TRIM33: variants seen among roughly 807,000 people sequenced by gnomAD.
TRIM33 encodes the protein E3 ubiquitin-protein ligase TRIM33.
Under a neutral mutation model 125.4 loss-of-function variants are expected in TRIM33, and 20 were observed. That is an observed-to-expected ratio of 0.16 (90% CI 0.11 to 0.23). TRIM33 has a LOEUF of 0.23. Among genes scored for constraint, TRIM33 ranks in the 10% least tolerant of loss-of-function variants. The pLI is 1.00. For missense variants in TRIM33, 920 were observed against 1,411.4 expected (o/e 0.65, Z 5.58); for synonymous variants, 564 against 513.9 (o/e 1.10, Z -1.32).
chr1:114,405,352 TGTTA>T (rs769047046), intron 15 of TRIM33, 54 bp downstream of exon 15: 8 of 1,341,618 alleles, frequency 6.0e-6, no homozygotes, highest in Non-Finnish European at 8.3e-6. Context: ...AACATTCTTC[TGTTA>T]TTTATTTTTA....
chr1:114,498,179 G>C (rs1390221045), intron 1 of TRIM33, among the ~76,000 whole-genome samples: 1 of 149,438 alleles, frequency 6.7e-6, no homozygotes, highest in African/African-American at 2.5e-5. Flanking sequence ...TATAAATAAG[G>C]AATCAGTATA....
chr1:114,405,783 C>A (rs1321834623), intron 14 of TRIM33, 24 bp from the exon 15 acceptor site: 6 of 1,563,092 alleles, frequency 3.8e-6, no homozygotes, highest in Non-Finnish European at 4.3e-6. Flanking sequence ...ATGACAAATT[C>A]TTGAAGAATC....
rs886756722 is a variant in TRIM33 at position 114,395,161 on chromosome 1, A to C, written c.*2487T>G. On this transcript the variant is annotated 3_prime_UTR_variant, in exon 20 of 20. Transcript: ENST00000358465. Reference sequence around the variant, plus strand: ...AGAAACACAACGATCAGTGTGCAAGAAAAAAGCTTTAATAAAAAATCTAAA... The same window carrying C: ...AGAAACACAACGATCAGTGTGCAAGCAAAAAGCTTTAATAAAAAATCTAAA... 2.0e-5 allele frequency: 4 copies of C among 201,520 alleles called. No homozygotes were observed. The highest frequency in any genetic ancestry group is 4.1e-5 in the Non-Finnish European group (4 of 98,044). 12.5% of individuals were successfully genotyped at this position (201,520 alleles called of 1,614,324 possible).
At chr1:114,422,419 G>A (rs889052902) in intron 10 of TRIM33, among the ~76,000 whole-genome samples, 1 of 151,904 alleles carries the variant, frequency 6.6e-6, no homozygotes, top group Non-Finnish European at 1.5e-5. Flanking sequence ...ATGAACTAAG[G>A]GGTACATGAT....
intron 1 of TRIM33, among the ~76,000 whole-genome samples, chr1:114,499,299 G>A (rs1365318566): frequency 6.6e-6 from 1 of 152,050 alleles, no homozygotes; most frequent in Non-Finnish European, 1.5e-5. Flanking sequence ...CCTAGGGCCT[G>A]TGTAAAGTAT....
Position 114,510,928 on chromosome 1 carries a change from C to CCTT in TRIM33, c.146_148dup (p.Glu49dup). ...GCCGCCCTCAGCGCCGGCCCTGCCG[C>CCTT]CTTCCTCCTCCTCCTCCTCCACCAG... On this transcript the variant is annotated inframe_insertion, in exon 1 of 20. Coordinates refer to ENST00000358465, the MANE Select transcript of TRIM33 (RefSeq NM_015906.4). The CCTT allele has an allele frequency of 7.0e-7, 1 of 1,419,534 alleles. No homozygotes were observed. Among genetic ancestry groups the CCTT allele is most frequent in the Non-Finnish European group, 9.2e-7 (1 of 1,090,910 alleles). 87.9% of individuals were successfully genotyped at this position (1,419,534 alleles called of 1,614,324 possible). A position where few individuals can be genotyped will look rare whatever the true frequency, so the allele number is the denominator to read the frequency against.
At chr1:114,439,449 A>C (rs1572056483) in intron 4 of TRIM33, among the ~76,000 whole-genome samples, 1 of 133,282 alleles carries the variant, frequency 7.5e-6, no homozygotes, top group East Asian at 2.3e-4. Flanking sequence ...AGCCTGGGCG[A>C]CAGAGAGAGA....
chr1:114,401,034 T>C (rs1009943855), intron 17 of TRIM33, among the ~76,000 whole-genome samples: 3 of 151,644 alleles, frequency 2.0e-5, no homozygotes, highest in South Asian at 4.2e-4. Flanking sequence ...TACTCTTTTT[T>C]TTTTTTTTCT....
chr1:114,453,399 G>A (rs1340489822), intron 4 of TRIM33, among the ~76,000 whole-genome samples: 6 of 151,662 alleles, frequency 4.0e-5, no homozygotes, highest in Non-Finnish European at 5.9e-5. Context: ...AGGTGAACTC[G>A]TTTTAAGGTT....
intron 8 of TRIM33, 37 bp downstream of exon 8, chr1:114,427,140 G>T: frequency 2.0e-6 from 2 of 1,020,208 alleles, no homozygotes; most frequent in African/African-American, 1.6e-5. Flanking sequence ...CTAATTCAGT[G>T]TTCCAAGTTA....
chr1:114,404,542 CAAAGA>C (rs908497757), intron 15 of TRIM33: 3 of 152,050 alleles, frequency 2.0e-5, no homozygotes, highest in African/African-American at 7.2e-5. Flanking sequence ...TATTACTACC[CAAAGA>C]AAAGAAAATT....
At chr1:114,412,185 T>C (rs1317960972) in intron 11 of TRIM33, among the ~76,000 whole-genome samples, 2 of 152,202 alleles carry the variant, frequency 1.3e-5, no homozygotes, top group South Asian at 2.1e-4. Flanking sequence ...CATTTTCAAA[T>C]ATATAAGCTG....
Position 114,411,236 on chromosome 1 carries a change from G to C in TRIM33, c.2062-920C>G, listed in dbSNP as rs1652568758. On this transcript the variant is annotated intron_variant, in intron 11 of 19. Coordinates refer to ENST00000358465, the MANE Select transcript of TRIM33 (RefSeq NM_015906.4). ...TTGTGTTTTTTTTTTATAGAGATGGGATTTTGCTACATTGCCCAGATTGGT... is the reference window on the plus strand; with the variant it reads ...TTGTGTTTTTTTTTTATAGAGATGGCATTTTGCTACATTGCCCAGATTGGT... Among the ~76,000 whole-genome samples, 7 of 151,960 alleles carry C rather than the reference G, an allele frequency of 4.6e-5. No individual in the cohort carries two copies. In the South Asian group the frequency reaches 1.4e-3, roughly 31 times the overall value.
chr1:114,427,878 C>G lies in TRIM33; in HGVS notation c.1172G>C (p.Arg391Thr). Residue 391 changes from arginine to threonine, a missense_variant, in exon 7 of 20, where the codon AGA (arginine) becomes ACA (threonine). By Grantham distance (71) the Arg-to-Thr change is moderately conservative. Transcript: ENST00000358465. Reference sequence around the variant, plus strand: ...CTGCTGCTGTAGTAACTTCATCTGTCTTTCCTTTGTAACATTCTGAAACAG... The same window carrying G: ...CTGCTGCTGTAGTAACTTCATCTGTGTTTCCTTTGTAACATTCTGAAACAG... ...LQQLENVTKE[R>T]QMKLLQQQND... 1 of 1,614,084 alleles carries G rather than the reference C, an allele frequency of 6.2e-7. No individual in the cohort carries two copies. Among genetic ancestry groups the G allele is most frequent in the Non-Finnish European group, 8.5e-7 (1 of 1,179,974 alleles).
In TRIM33 at chr1:114,393,644, C is replaced by T. The variant is rs1441956975; in HGVS notation, c.*4004G>A. The T allele has an allele frequency of 4.7e-6, 1 of 214,392 alleles. No homozygotes were observed. Among genetic ancestry groups the T allele is most frequent in the Non-Finnish European group, 9.4e-6 (1 of 105,870 alleles). The allele number at this position is 214,392 out of a possible 1,614,324, so 13.3% of individuals were successfully genotyped here. ...GAACTAAGATGAAAGAAATGCTATA[C>T]ATGCATTTTGACCAAGTAAAAGAAA... On this transcript the variant is annotated 3_prime_UTR_variant, in exon 20 of 20. Coordinates refer to ENST00000358465, the MANE Select transcript of TRIM33 (RefSeq NM_015906.4).
Position 114,510,590 on chromosome 1 carries a change from C to G in TRIM33, c.487G>C (p.Val163Leu), listed in dbSNP as rs1314825699. The stretch of plus-strand genomic sequence containing the variant: ...CCGTTGCTGCCCCCCGGGATGGGCA[C>G]GCTGAGCTGGCGCTCCGGCTCGGGC... ...CLPEPERQLS[V>L]PIPGGSNGDI... Residue 163 changes from valine (V) to leucine (L), a missense_variant, in exon 1 of 20, where the codon GTG (valine) becomes CTG (leucine). This residue lies in a region of TRIM33 where 75 missense variants were observed against 123.9 expected (regional missense o/e 0.61). Transcript: ENST00000358465. 1 of 1,542,218 alleles carries G rather than the reference C, an allele frequency of 6.5e-7. No individual in the cohort carries two copies. Among genetic ancestry groups the G allele is most frequent in the Middle Eastern group, 1.7e-4 (1 of 5,844 alleles).
Position 114,510,700 on chromosome 1 carries a change from G to A in TRIM33, c.377C>T (p.Ala126Val), listed in dbSNP as rs1267154003. Reference protein sequence around the residue: ...GPPASLLDTCAVCQQSLQSRR... With the variant: ...GPPASLLDTCVVCQQSLQSRR... Reference sequence around the variant, plus strand: ...GCTCTGCAAGCTCTGCTGACACACGGCGCAGGTGTCCAGGAGCGAGGCTGG... The same window carrying A: ...GCTCTGCAAGCTCTGCTGACACACGACGCAGGTGTCCAGGAGCGAGGCTGG... The change falls in exon 1 of 20, where the codon GCC (alanine) becomes GTC (valine). Residue 126 changes from alanine to valine, a missense_variant. Around this residue, in one of 8 missense-constraint regions of TRIM33, gnomAD observed 75 missense variants for 123.9 expected, o/e 0.61. Transcript: ENST00000358465. 1.9e-6 allele frequency: 3 copies of A among 1,543,172 alleles called. No individual in the cohort carries two copies. The highest frequency in any genetic ancestry group is 3.9e-5 in the Admixed American group (2 of 51,322).
intron 1 of TRIM33, among the ~76,000 whole-genome samples, chr1:114,493,564 C>G (rs767054744): frequency 1.3e-5 from 2 of 152,108 alleles, no homozygotes; most frequent in Non-Finnish European, 2.9e-5. Flanking sequence ...TGATTACATG[C>G]GTAAGCCACC....
chr1:114,459,521 G>A (rs1649826423), intron 4 of TRIM33, among the ~76,000 whole-genome samples: 3 of 152,170 alleles, frequency 2.0e-5, no homozygotes, highest in African/African-American at 7.2e-5. Context: ...CGTAATCTCA[G>A]CTACTGGTGA....
Sources: gnomAD v4.1 joint callset for allele counts (sites outside exome capture counted in the v4.1 genomes callset) on GRCh38, gnomAD v4.1.1 for gene constraint, gnomAD v4.1.1 regional missense constraint, MANE v1.5 for transcripts, NCBI Gene and HGNC (gene_info 2026-07-23, HGNC 2026-07-21) for gene names.